The following ARRB1 variants were observed in gnomAD, a reference collection of about 807,000 sequenced individuals.
ARRB1 encodes the protein beta-arrestin-1.
ARRB1 carries 21 observed loss-of-function variants against 56.8 expected under a neutral mutation model. That is an observed-to-expected ratio of 0.37 (90% CI 0.26 to 0.53). The LOEUF (loss-of-function observed/expected upper bound fraction) is 0.53. Among genes scored for constraint, ARRB1 ranks in the 20% least tolerant of loss-of-function variants. The probability of loss-of-function intolerance (pLI) is 0.88; values close to 1 mark genes in which losing one functional copy is unlikely to be tolerated. For missense variants in ARRB1, 424 were observed against 553.7 expected (o/e 0.77, Z 2.35); for synonymous variants, 210 against 218.6 (o/e 0.96, Z 0.35).
intron 1 of ARRB1, among the ~76,000 whole-genome samples, chr11:75,337,786 C>CTTTTTTTT (rs71036046): frequency 7.8e-5 from 3 of 38,450 alleles, no homozygotes; most frequent in African/African-American, 1.1e-4. Flanking sequence ...ATTGAAATGT[C>CTTTTTTTT]TTTTTTTTTT....
At chr11:75,342,638 C>T (rs567442090) in intron 1 of ARRB1, among the ~76,000 whole-genome samples, 2 of 152,304 alleles carry the variant, frequency 1.3e-5, no homozygotes, top group East Asian at 3.9e-4. Flanking sequence ...GGACTCCCTA[C>T]TCTCCCATGC....
At chr11:75,350,360 GA>G (rs1169891880) in intron 1 of ARRB1, among the ~76,000 whole-genome samples, 1 of 152,212 alleles carries the variant, frequency 6.6e-6, no homozygotes, top group African/African-American at 2.4e-5. Context: ...GAAACGAGGA[GA>G]GGGGAGGGGA....
intron 1 of ARRB1, among the ~76,000 whole-genome samples, chr11:75,299,537 C>T (rs1019386355): frequency 1.3e-5 from 2 of 151,904 alleles, no homozygotes; most frequent in African/African-American, 4.8e-5. Flanking sequence ...TGTGATTTTA[C>T]AATCCAGGAT....
At chr11:75,337,626 C>T (rs1947626539) in intron 1 of ARRB1, among the ~76,000 whole-genome samples, 2 of 151,908 alleles carry the variant, frequency 1.3e-5, no homozygotes, top group Admixed American at 1.3e-4. Flanking sequence ...GACTTGTTAG[C>T]AGTCAACTAC....
rs974988222 is a variant in ARRB1, at chr11:75,263,012, A to G, written c.*3151T>C. Among the ~76,000 whole-genome samples the G allele has an allele frequency of 1.2e-4, 19 of 152,194 alleles. No homozygotes were observed. Among genetic ancestry groups the G allele is most frequent in the African/African-American group, 4.6e-4 (19 of 41,446 alleles). ...CTGCTCGGTGGGTTTTCACCGGGGC[A>G]TGCTTTTCCTTCCTGCCCGGACCGG... is the stretch of plus-strand genomic sequence containing the variant. On this transcript the variant is annotated 3_prime_UTR_variant, in exon 16 of 16. Coordinates refer to ENST00000420843, the MANE Select transcript of ARRB1 (RefSeq NM_004041.5).
chr11:75,291,504 A>G (rs1444730036), intron 1 of ARRB1, among the ~76,000 whole-genome samples: 1 of 152,162 alleles, frequency 6.6e-6, no homozygotes, highest in Non-Finnish European at 1.5e-5. Flanking sequence ...CTGGATAAGG[A>G]ATCAGGTTGA....
chr11:75,280,023 A>G (rs528656174), intron 7 of ARRB1, among the ~76,000 whole-genome samples: 2 of 152,176 alleles, frequency 1.3e-5, no homozygotes, highest in Non-Finnish European at 2.9e-5. Flanking sequence ...ACAGCCCAGC[A>G]CTGTAAATGG....
intron 1 of ARRB1, among the ~76,000 whole-genome samples, chr11:75,308,792 G>T (rs558847958): frequency 1.3e-5 from 2 of 151,960 alleles, no homozygotes; most frequent in African/African-American, 4.8e-5. Flanking sequence ...TGGAGAAAGG[G>T]TCTCACTATA....
intron 1 of ARRB1, among the ~76,000 whole-genome samples, chr11:75,333,258 C>T (rs1020295044): frequency 1.3e-5 from 2 of 152,210 alleles, no homozygotes; most frequent in African/African-American, 4.8e-5. Flanking sequence ...TTGTGGGTGG[C>T]CATTCAAGCT....
chr11:75,278,453 C>A (rs149803328), intron 8 of ARRB1, among the ~76,000 whole-genome samples, 156 bp downstream of exon 8: 24 of 152,350 alleles, frequency 1.6e-4, no homozygotes, highest in Admixed American at 9.1e-4. Flanking sequence ...TCCAAATCCC[C>A]CATGAGAGGT....
At chr11:75,342,037 C>T (rs1296576012) in intron 1 of ARRB1, among the ~76,000 whole-genome samples, 1 of 152,206 alleles carries the variant, frequency 6.6e-6, no homozygotes, top group Non-Finnish European at 1.5e-5. Flanking sequence ...GCCTCTCCTA[C>T]TTCCTGCTTG....
In ARRB1 at chr11:75,261,932, C is replaced by T. The variant is rs1945800491; in HGVS notation, c.*4231G>A. 1 of 152,226 alleles carries T rather than the reference C, an allele frequency of 6.6e-6. No homozygotes were observed. The highest frequency in any genetic ancestry group is 1.5e-5 in the Non-Finnish European group (1 of 68,036). 9.4% of individuals were successfully genotyped at this position (152,226 alleles called of 1,614,324 possible). ...TGTAAGACTGGGACCTAACCCCTTC[C>T]TCCTGGATGGGTGGAGAGCAACCAG... On this transcript the variant is annotated 3_prime_UTR_variant, in exon 16 of 16. Coordinates refer to ENST00000420843, the MANE Select transcript of ARRB1 (RefSeq NM_004041.5).
chr11:75,275,552 T>C (rs1283994423), intron 10 of ARRB1, among the ~76,000 whole-genome samples: 1 of 152,210 alleles, frequency 6.6e-6, no homozygotes, highest in Non-Finnish European at 1.5e-5. Context: ...AAAACTTTAC[T>C]TGCTTGATCA....
At chr11:75,331,827 G>A (rs956410010) in intron 1 of ARRB1, among the ~76,000 whole-genome samples, 3 of 151,928 alleles carry the variant, frequency 2.0e-5, no homozygotes, top group Non-Finnish European at 2.9e-5. Context: ...AACCCTACAT[G>A]TCGTGACTTA....
At chr11:75,281,907 C>T (rs1946351594) in intron 6 of ARRB1, 55 bp downstream of exon 6, 13 of 1,573,232 alleles carry the variant, frequency 8.3e-6, no homozygotes, top group South Asian at 2.2e-5. Flanking sequence ...AAGCCAGGGA[C>T]CTGGGGACAT....
intron 1 of ARRB1, among the ~76,000 whole-genome samples, chr11:75,330,251 A>C (rs1277495849): frequency 6.6e-6 from 1 of 151,452 alleles, no homozygotes; most frequent in African/African-American, 2.4e-5. Flanking sequence ...TCAACTACAA[A>C]CAGGGACTCT....
chr11:75,293,099 A>G (rs530794811), intron 1 of ARRB1, among the ~76,000 whole-genome samples: 1 of 152,160 alleles, frequency 6.6e-6, no homozygotes, highest in East Asian at 1.9e-4. Context: ...CAGGGTAGGA[A>G]GTGTGGCCAG....
At chr11:75,303,471 A>G in intron 1 of ARRB1, 1 of 419,920 alleles carries the variant, frequency 2.4e-6, no homozygotes, top group Non-Finnish European at 4.8e-6. Flanking sequence ...GCCTTGGCTT[A>G]AAGTGCTCTT....
intron 6 of ARRB1, 122 bp from the exon 7 acceptor site, chr11:75,281,264 A>AAGGAAGGCTGGGCTGTG: frequency 1.1e-6 from 1 of 945,092 alleles, no homozygotes; most frequent in Non-Finnish European, 1.6e-6. Flanking sequence ...CCCACAGCCC[A>AAGGAAGGCTGGGCTGTG]GCCTTCCTTG....
Sources: gnomAD v4.1 joint callset for allele counts (sites outside exome capture counted in the v4.1 genomes callset) on GRCh38, gnomAD v4.1.1 for gene constraint, MANE v1.5 for transcripts, NCBI Gene and HGNC (gene_info 2026-07-23, HGNC 2026-07-21) for gene names.